The following DNAAF8 variants were observed in gnomAD, a reference collection of about 807,000 sequenced individuals.
DNAAF8 encodes the protein dynein axonemal-associated protein 1.
A neutral mutation model predicts 54.6 loss-of-function variants in DNAAF8; 61 were observed. The observed-to-expected ratio is 1.12, with a 90% CI of 0.91 to 1.38. The LOEUF (loss-of-function observed/expected upper bound fraction) is 1.38. Among genes scored for constraint, DNAAF8 ranks in the 40% most tolerant of loss-of-function variants. The pLI is 0.00. For missense variants in DNAAF8, 837 were observed against 665.0 expected, an observed-to-expected ratio of 1.26 and a Z score of -2.85; for synonymous variants, 320 against 270.1, an observed-to-expected ratio of 1.18 and a Z score of -1.81.
chr16:4,739,137 C>T (rs930042025), intron 3 of DNAAF8, among the ~76,000 whole-genome samples: 2 of 152,172 alleles, frequency 1.3e-5, no homozygotes, highest in Admixed American at 1.3e-4. Context: ...TAACCCCACA[C>T]AAGAGAGATC....
In DNAAF8 at chr16:4,737,801, C is replaced by G. The variant is rs752801300; in HGVS notation, c.131C>G (p.Ser44Trp). 1.9e-6 allele frequency: 3 copies of G among 1,614,100 alleles called. No homozygotes were observed. Among genetic ancestry groups the G allele is most frequent in the Non-Finnish European group, 2.5e-6 (3 of 1,179,972 alleles). ...LPSLDSDSPL[S>W]DYGEEELFIF... Reference sequence around the variant, plus strand: ...AAAAGCCCTCTCATTTGTCCACAGTCGGACTATGGGGAAGAGGAGCTGTTC... The same window carrying G: ...AAAAGCCCTCTCATTTGTCCACAGTGGGACTATGGGGAAGAGGAGCTGTTC... Residue 44 changes from serine (S) to tryptophan (W), a missense_variant and splice_region_variant, in exon 3 of 10, where the codon TCG becomes TGG. By Grantham distance (177) the Ser-to-Trp change is radical. Transcript: ENST00000299320.
At chr16:4,747,292 G>A in intron 8 of DNAAF8, 51 bp from the exon 9 acceptor site, 2 of 1,512,762 alleles carry the variant, frequency 1.3e-6, no homozygotes, top group Non-Finnish European at 8.9e-7. Context: ...AGGAGGGCTG[G>A]GAGGGGCGGC....
rs2082049533 is a variant in DNAAF8 at position 4,748,708 on chromosome 16, C to T, written c.*10-17C>T. On this transcript the variant is annotated splice_polypyrimidine_tract_variant and intron_variant, in intron 9 of 9. Coordinates refer to ENST00000299320, the MANE Select transcript of DNAAF8 (RefSeq NM_139170.3). ...CCTGACCTGGGCACCTGTTTGTCTC[C>T]CCAACCTTGTCTCCAGGATGTGTCC... 6.6e-6 allele frequency: 1 copy of T among 152,406 alleles called. No individual in the cohort carries two copies. The highest frequency in any genetic ancestry group is 2.4e-5 in the African/African-American group (1 of 41,462). The allele number at this position is 152,406 out of a possible 1,614,324, so 9.4% of individuals were successfully genotyped here.
chr16:4,740,637 G>C lies in DNAAF8; in HGVS notation c.761G>C (p.Gly254Ala). 6.2e-7 allele frequency: 1 copy of C among 1,605,740 alleles called. No homozygotes were observed. The change falls in exon 4 of 10, where the codon GGA becomes GCA. Residue 254 changes from glycine to alanine, a missense_variant. By Grantham distance (60) the Gly-to-Ala change is moderately conservative (BLOSUM62 0). Transcript: ENST00000299320. ...SKMPLVEPPE[G>A]PPVLSLQQLE... ...ATGCCCCTCGTGGAGCCTCCGGAGG[G>C]ACCACCAGTGCTCTCGCTCCAGGTA... is the stretch of plus-strand genomic sequence containing the variant.
chr16:4,743,142 GA>G lies in DNAAF8; in HGVS notation c.884del (p.Asp295AlafsTer74). ...RAPGTVWWAA[D>X]HRQVQDRMVP... ...ACCTGGAACTGTGTGGTGGGCAGCT[GA>G]CCACCGCCAAGTTCAAGGTCTGACC... On this transcript the variant is annotated frameshift_variant, in exon 5 of 10. Coordinates refer to ENST00000299320, the MANE Select transcript of DNAAF8 (RefSeq NM_139170.3). LOFTEE classifies it high-confidence loss of function. 5 of 1,605,914 alleles carry G rather than the reference GA, an allele frequency of 3.1e-6. No individual in the cohort carries two copies. Among genetic ancestry groups the G allele is most frequent in the Non-Finnish European group, 3.4e-6 (4 of 1,175,552 alleles).
chr16:4,744,978 C>T lies in DNAAF8; in HGVS notation c.1010C>T (p.Pro337Leu). 6.2e-7 allele frequency: 1 copy of T among 1,613,910 alleles called. No individual in the cohort carries two copies. The highest frequency in any genetic ancestry group is 8.5e-7 in the Non-Finnish European group (1 of 1,179,886). Residue 337 changes from proline (P) to leucine (L), a missense_variant, in exon 6 of 10, where the codon CCC becomes CTC. By Grantham distance (98) the Pro-to-Leu change is moderately conservative (BLOSUM62 -3). Coordinates refer to ENST00000299320, the MANE Select transcript of DNAAF8 (RefSeq NM_139170.3). ...ACARKVPADT[P>L]QDTKEADSGS... ...GCCCGGAAGGTGCCTGCCGACACTC[C>T]CCAGGACACCAAAGAGGCAGATTCA... is the stretch of plus-strand genomic sequence containing the variant.
At chr16:4,746,599 G>T in intron 7 of DNAAF8, 87 bp downstream of exon 7, 1 of 1,432,858 alleles carries the variant, frequency 7.0e-7, no homozygotes, top group South Asian at 1.3e-5. Context: ...GATCCTGATG[G>T]GGAGGAACAG....
chr16:4,744,817 G>GT, intron 5 of DNAAF8, 53 bp from the exon 6 acceptor site: 1 of 1,571,876 alleles, frequency 6.4e-7, no homozygotes, highest in Non-Finnish European at 8.7e-7. Context: ...GCTGCTGTAA[G>GT]TCACAAGTGG....
At chr16:4,740,031 C>G (rs1334924142) in intron 3 of DNAAF8, 122 bp from the exon 4 acceptor site, 2 of 1,250,452 alleles carry the variant, frequency 1.6e-6, no homozygotes, top group Non-Finnish European at 2.2e-6. Flanking sequence ...TGCACTGCAG[C>G]CTGGGCAACA....
chr16:4,743,168 C>T lies in DNAAF8; in HGVS notation c.901+8C>T, dbSNP rs758265820. 6.4e-7 allele frequency: 1 copy of T among 1,563,106 alleles called. No homozygotes were observed. Among genetic ancestry groups the T allele is most frequent in the South Asian group, 1.1e-5 (1 of 87,966 alleles). On this transcript the variant is annotated splice_region_variant and intron_variant, in intron 5 of 9. Transcript: ENST00000299320. ...ACCACCGCCAAGTTCAAGGTCTGACCTTGAACACTGGAGCCCACGTGAATC... is the reference window on the plus strand; with the variant it reads ...ACCACCGCCAAGTTCAAGGTCTGACTTTGAACACTGGAGCCCACGTGAATC...
In DNAAF8 at chr16:4,747,360, G is replaced by T. The variant is rs763654265; in HGVS notation, c.1298G>T (p.Ser433Ile). The change falls in exon 9 of 10, where the codon AGC (serine) becomes ATC (isoleucine). Residue 433 changes from serine (S) to isoleucine (I), a missense_variant. Transcript: ENST00000299320. ...SLGLRTCTGK[S>I]QLLQQLRAFQ... is the part of the protein sequence containing the mutation. Reference sequence around the variant, plus strand: ...TGTCACAGGACCTGTACCGGGAAAAGCCAGCTTCTCCAGCAGCTCAGGGCC... The same window carrying T: ...TGTCACAGGACCTGTACCGGGAAAATCCAGCTTCTCCAGCAGCTCAGGGCC... The T allele has an allele frequency of 6.3e-7, 1 of 1,586,634 alleles. No individual in the cohort carries two copies. The highest frequency in any genetic ancestry group is 2.2e-5 in the East Asian group (1 of 44,514).
intron 2 of DNAAF8, among the ~76,000 whole-genome samples, chr16:4,737,014 C>T (rs859312): frequency 1.3e-5 from 2 of 151,938 alleles, no homozygotes; most frequent in Non-Finnish European, 2.9e-5. Context: ...AGAACACCCA[C>T]TGAGAATGCA....
chr16:4,744,891 A>G lies in DNAAF8; in HGVS notation c.923A>G (p.His308Arg), dbSNP rs944586666. 1.2e-6 allele frequency: 2 copies of G among 1,613,706 alleles called. No individual in the cohort carries two copies. Among genetic ancestry groups the G allele is most frequent in the African/African-American group, 2.7e-5 (2 of 75,038 alleles). ...QVQDRMVPSA[H>R]NRLMEQLALL... ...TCAGACCGCATGGTGCCGAGCGCCC[A>G]CAACAGGCTCATGGAACAGCTGGCC... is the stretch of plus-strand genomic sequence containing the variant. The change falls in exon 6 of 10, where the codon CAC (histidine) becomes CGC (arginine). Residue 308 changes from histidine (H) to arginine (R), a missense_variant. His to Arg is a conservative substitution (Grantham distance 29, BLOSUM62 0). Transcript: ENST00000299320.
rs565002603 is a variant in DNAAF8, at chr16:4,746,289, C to T, written c.1044-86C>T. 3.6e-5 allele frequency: 51 copies of T among 1,419,684 alleles called. No homozygotes were observed. The African/African-American group carries it at 4.7e-4, about 13-fold the overall frequency. 87.9% of individuals were successfully genotyped at this position (1,419,684 alleles called of 1,614,324 possible). ...GTGGGCACTCACTGGGTGGCAGCCACGAGCACTGTGACTGGACAAACCCAG... is the reference window on the plus strand; with the variant it reads ...GTGGGCACTCACTGGGTGGCAGCCATGAGCACTGTGACTGGACAAACCCAG... On this transcript the variant is annotated intron_variant, in intron 6 of 9. Coordinates refer to ENST00000299320, the MANE Select transcript of DNAAF8 (RefSeq NM_139170.3).
At chr16:4,742,552 C>A (rs370228423) in intron 4 of DNAAF8, among the ~76,000 whole-genome samples, 1,049 of 93,740 alleles carry the variant, frequency 0.011, no homozygotes, top group African/African-American at 0.012. Context: ...ACTAAAAATA[C>A]AAAAAAAAAA....
intron 6 of DNAAF8, 102 bp downstream of exon 6, chr16:4,745,113 T>C: frequency 7.1e-7 from 1 of 1,408,356 alleles, no homozygotes. Flanking sequence ...TCCATGTGCA[T>C]TTTCTCAGTC....
intron 2 of DNAAF8, 105 bp from the exon 3 acceptor site, chr16:4,737,695 G>A (rs1249498037): frequency 4.3e-6 from 6 of 1,405,558 alleles, no homozygotes; most frequent in African/African-American, 2.8e-5. Flanking sequence ...TGGGCTGGGC[G>A]GGCTGGGCTG....
intron 8 of DNAAF8, 78 bp downstream of exon 8, chr16:4,747,103 T>G (rs1217315358): frequency 7.2e-6 from 10 of 1,385,268 alleles, no homozygotes; most frequent in African/African-American, 1.5e-5. Flanking sequence ...CCTGGCACAT[T>G]TACCGCCTGT....
intron 3 of DNAAF8, 61 bp from the exon 4 acceptor site, chr16:4,740,092 A>T: frequency 6.7e-6 from 10 of 1,489,436 alleles, no homozygotes; most frequent in Non-Finnish European, 8.1e-6. Flanking sequence ...TTTTCTATGA[A>T]AAACATTCCC....
Sources: allele counts gnomAD v4.1 joint callset (sites outside exome capture counted in the v4.1 genomes callset), GRCh38; gene constraint gnomAD v4.1.1; transcripts MANE v1.5; gene names NCBI Gene and HGNC (gene_info 2026-07-23, HGNC 2026-07-21).